USP38: variants seen among roughly 807,000 people sequenced by gnomAD.
USP38 encodes the protein ubiquitin carboxyl-terminal hydrolase 38.
Under a neutral mutation model 94.3 loss-of-function variants are expected in USP38, and 49 were observed. The observed-to-expected ratio is 0.52, with a 90% CI of 0.41 to 0.66. USP38 has a LOEUF of 0.66. USP38 is among the 30% of genes least tolerant of loss of function. USP38 has a pLI of 0.00. For missense variants in USP38, 1,128 were observed against 1,229.4 expected (o/e 0.92, Z 1.23); for synonymous variants, 468 against 463.6 (o/e 1.01, Z -0.12).
Position 143,203,405 on chromosome 4 carries a change from C to T in USP38, c.1051-3C>T. 1 of 1,596,230 alleles carries T rather than the reference C, an allele frequency of 6.3e-7. No homozygotes were observed. The highest frequency in any genetic ancestry group is 1.1e-5 in the South Asian group (1 of 87,930). On this transcript the variant is annotated splice_region_variant and splice_polypyrimidine_tract_variant and intron_variant, in intron 4 of 9. Transcript: ENST00000307017. ...AGCATTGTTTATCCTTTTTTCTTTT[C>T]AGATTGTTCCTCATGTGGTTAATTT...
Position 143,185,359 on chromosome 4 carries a change from G to C in USP38, c.-92G>C. On this transcript the variant is annotated 5_prime_UTR_variant, in exon 1 of 10. Coordinates refer to ENST00000307017, the MANE Select transcript of USP38 (RefSeq NM_032557.6). ...TCGCGCTGCTGCTGCGGCGCTCCAA[G>C]TTCATCTCCGCCCCGGGGCTCTCCT... is the stretch of plus-strand genomic sequence containing the variant. 7.1e-7 allele frequency: 1 copy of C among 1,409,268 alleles called. No individual in the cohort carries two copies. The allele number at this position is 1,409,268 out of a possible 1,614,324, so 87.3% of individuals were successfully genotyped here.
In USP38 at chr4:143,220,300, A is replaced by C; in HGVS notation, c.2973A>C (p.Gln991His). ...TKDNKLYLQEQELNARARALQ... is the reference protein window; with the variant it reads ...TKDNKLYLQEHELNARARALQ... ...AAAGTTATTTTTAATTTTAGGAACA[A>C]GAGTTGAATGCTCGAGCCCGGGCCC... The change falls in exon 10 of 10, where the codon CAA becomes CAC. Residue 991 changes from glutamine to histidine, a missense_variant. Physicochemically the swap from Gln to His is conservative, Grantham distance 24 (BLOSUM62 0). Transcript: ENST00000307017. 1 of 1,606,950 alleles carries C rather than the reference A, an allele frequency of 6.2e-7. No homozygotes were observed. The highest frequency in any genetic ancestry group is 8.5e-7 in the Non-Finnish European group (1 of 1,177,356).
intron 3 of USP38, among the ~76,000 whole-genome samples, chr4:143,196,506 G>A (rs2149606255): frequency 6.6e-6 from 1 of 152,086 alleles, no homozygotes; most frequent in South Asian, 2.1e-4. Flanking sequence ...GCAGTATTTG[G>A]CACAGTCGAT....
At chr4:143,209,533 C>A in intron 6 of USP38, 31 bp from the exon 7 acceptor site, 1 of 1,324,066 alleles carries the variant, frequency 7.6e-7, no homozygotes, top group Non-Finnish European at 1.1e-6. Context: ...TTTGTACGCA[C>A]ATATATATAA....
Position 143,185,706 on chromosome 4 carries a change from T to C in USP38, c.256T>C (p.Leu86=), listed in dbSNP as rs762135460. ...FESFFNKTFV[L]GLLHQGYHSL... ...GTCCTTCTTCAACAAGACCTTCGTG[T>C]TGGGCCTCCTTCATCAGGGCTACCA... Residue 86 remains leucine (L), a synonymous_variant, in exon 1 of 10, where the codon TTG becomes CTG. Transcript: ENST00000307017. 1.2e-6 allele frequency: 2 copies of C among 1,614,192 alleles called. No individual in the cohort carries two copies. The highest frequency in any genetic ancestry group is 4.5e-5 in the East Asian group (2 of 44,854).
chr4:143,209,261 C>G (rs1731957299), intron 6 of USP38, among the ~76,000 whole-genome samples: 1 of 151,848 alleles, frequency 6.6e-6, no homozygotes, highest in African/African-American at 2.4e-5. Context: ...AGATAACTTC[C>G]TTAGGAAAAG....
At chr4:143,193,136 T>C (rs989147531) in intron 2 of USP38, among the ~76,000 whole-genome samples, 3 of 152,172 alleles carry the variant, frequency 2.0e-5, no homozygotes, top group African/African-American at 7.2e-5. Context: ...TTAGATTACA[T>C]CTTTTTTATG....
intron 2 of USP38, among the ~76,000 whole-genome samples, chr4:143,190,558 C>CT (rs1459393716): frequency 6.6e-6 from 1 of 151,994 alleles, no homozygotes; most frequent in Non-Finnish European, 1.5e-5. Context: ...TATTTTTTCT[C>CT]TTTTTTTACT....
At chr4:143,216,879 C>G (rs1275443394) in intron 9 of USP38, among the ~76,000 whole-genome samples, 1 of 151,574 alleles carries the variant, frequency 6.6e-6, no homozygotes, top group African/African-American at 2.4e-5. Context: ...GGTGTGATCT[C>G]GGCTCACTGT....
intron 4 of USP38, 22 bp from the exon 5 acceptor site, chr4:143,203,386 G>A (rs1400862366): frequency 1.9e-6 from 3 of 1,600,548 alleles, no homozygotes; most frequent in East Asian, 2.3e-5. Flanking sequence ...ATTCAGCATT[G>A]TTTATCCTTT....
At chr4:143,211,466 A>G (rs924586970) in intron 7 of USP38, among the ~76,000 whole-genome samples, 2 of 152,148 alleles carry the variant, frequency 1.3e-5, no homozygotes, top group Non-Finnish European at 2.9e-5. Context: ...GGGTCATGCA[A>G]GCAAGCAGCA....
At chr4:143,204,976 T>A (rs1213001672) in intron 5 of USP38, among the ~76,000 whole-genome samples, 3 of 152,200 alleles carry the variant, frequency 2.0e-5, no homozygotes, top group African/African-American at 7.2e-5. Context: ...CAAAGACTGT[T>A]AAGCAATTAA....
At position 143,198,613 on chromosome 4, in the gene USP38, T is replaced by C. The variant is rs1330054578; in HGVS notation, c.1050+689T>C. 3.3e-5 allele frequency among the ~76,000 whole-genome samples: 5 copies of C among 152,300 alleles called. No individual in the cohort carries two copies. The South Asian group carries it at 6.2e-4, about 19-fold the overall frequency. ...AATACTGATTCACCATAACAAACTT[T>C]AGAGGAGACTAATGAAGTTCAGAAT... On this transcript the variant is annotated intron_variant, in intron 4 of 9. Transcript: ENST00000307017.
chr4:143,209,019 A>G (rs966086464), intron 6 of USP38, among the ~76,000 whole-genome samples: 4 of 131,622 alleles, frequency 3.0e-5, no homozygotes, highest in Admixed American at 7.8e-5. Flanking sequence ...CCCACGCTCT[A>G]TTCTTTAAAT....
At chr4:143,212,577 TTTTAA>T (rs1732057411) in intron 8 of USP38, among the ~76,000 whole-genome samples, 153 bp downstream of exon 8, 1 of 118,504 alleles carries the variant, frequency 8.4e-6, no homozygotes, top group Non-Finnish European at 1.8e-5. Context: ...TTTCTTTTGT[TTTTAA>T]TTTATTTTCC....
rs999357151 is a variant in USP38, at chr4:143,185,027, G to A, written c.-424G>A. 10 of 165,744 alleles carry A rather than the reference G, an allele frequency of 6.0e-5. No individual in the cohort carries two copies. The highest frequency in any genetic ancestry group is 1.2e-4 in the Non-Finnish European group (9 of 77,742). The allele number at this position is 165,744 out of a possible 1,614,324, so 10.3% of individuals were successfully genotyped here. A position where few individuals can be genotyped will look rare whatever the true frequency, so the allele number is the denominator to read the frequency against. On this transcript the variant is annotated 5_prime_UTR_variant, in exon 1 of 10. Coordinates refer to ENST00000307017, the MANE Select transcript of USP38 (RefSeq NM_032557.6). ...CAGCCCAGGACCGGCTTCTTCTCAC[G>A]ACCTGCTGGAGACTGGACGCCCACA... is the stretch of plus-strand genomic sequence containing the variant.
Position 143,209,667 on chromosome 4 carries a change from T to A in USP38, c.1497+10T>A. 1 of 1,541,568 alleles carries A rather than the reference T, an allele frequency of 6.5e-7. No individual in the cohort carries two copies. The highest frequency in any genetic ancestry group is 1.1e-5 in the South Asian group (1 of 88,410). On this transcript the variant is annotated intron_variant, in intron 7 of 9. Coordinates refer to ENST00000307017, the MANE Select transcript of USP38 (RefSeq NM_032557.6). The stretch of plus-strand genomic sequence containing the variant: ...TCTGGCCCATACACAGGTGAGTGTG[T>A]ATGTGTATATAGTACGTTTATGTTA...
At chr4:143,191,994 A>G (rs1731409833) in intron 2 of USP38, among the ~76,000 whole-genome samples, 1 of 152,236 alleles carries the variant, frequency 6.6e-6, no homozygotes, top group Non-Finnish European at 1.5e-5. Context: ...ACGGAACTGA[A>G]ATATAATTAA....
intron 6 of USP38, among the ~76,000 whole-genome samples, chr4:143,207,692 A>G (rs1731910146): frequency 6.7e-6 from 1 of 150,260 alleles, no homozygotes; most frequent in African/African-American, 2.5e-5. Context: ...GAGAGCAGCT[A>G]TATCTTTAGA....
Sources: gnomAD v4.1 joint callset for allele counts (sites outside exome capture counted in the v4.1 genomes callset) on GRCh38, gnomAD v4.1.1 for gene constraint, MANE v1.5 for transcripts, NCBI Gene and HGNC (gene_info 2026-07-23, HGNC 2026-07-21) for gene names.